TRPM3: variants seen among roughly 807,000 people sequenced by gnomAD.
TRPM3 encodes long transient receptor potential channel 3.
A neutral mutation model predicts 181.2 loss-of-function variants in TRPM3; 77 were observed. The ratio of observed to expected loss-of-function variants is 0.42; its 90% CI spans 0.35 to 0.51. The LOEUF (loss-of-function observed/expected upper bound fraction) is 0.51. Ranked by LOEUF, TRPM3 falls within the 20% of genes least tolerant of loss-of-function variation. The probability of loss-of-function intolerance (pLI) is 0.01; values close to 1 mark genes in which losing one functional copy is unlikely to be tolerated. For missense variants in TRPM3, 1,759 were observed against 2,196.7 expected, an observed-to-expected ratio of 0.80 and a Z score of 3.98; for synonymous variants, 745 against 796.4, an observed-to-expected ratio of 0.94 and a Z score of 1.09.
intron 8 of TRPM3, among the ~76,000 whole-genome samples, chr9:70,739,601 T>G (rs146486319): frequency 6.6e-6 from 1 of 151,918 alleles, no homozygotes; most frequent in South Asian, 2.1e-4. Flanking sequence ...ATTATTTATT[T>G]TTTTTTTTGA....
intron 1 of TRPM3, among the ~76,000 whole-genome samples, chr9:70,869,417 A>C (rs1321363031): frequency 7.5e-6 from 1 of 132,854 alleles, no homozygotes; most frequent in African/African-American, 2.8e-5. Context: ...CTGAGTTCTG[A>C]AAGTTCAACT....
At chr9:71,195,370 G>C (rs918141098) in intron 1 of TRPM3, among the ~76,000 whole-genome samples, 9 of 151,904 alleles carry the variant, frequency 5.9e-5, no homozygotes, top group African/African-American at 1.9e-4. Flanking sequence ...CATACATGCG[G>C]CCAACAAGTA....
chr9:70,572,317 C>T (rs1464598292), intron 22 of TRPM3, among the ~76,000 whole-genome samples: 1 of 152,124 alleles, frequency 6.6e-6, no homozygotes, highest in Non-Finnish European at 1.5e-5. Flanking sequence ...ATATTCTTTA[C>T]CCAGTCTCCG....
intron 8 of TRPM3, among the ~76,000 whole-genome samples, chr9:70,743,698 G>C (rs2074582949): frequency 6.6e-6 from 1 of 151,984 alleles, no homozygotes; most frequent in African/African-American, 2.4e-5. Context: ...TTCTGCCTAG[G>C]GATGCAGAGT....
chr9:71,061,228 G>A (rs2061296074), intron 1 of TRPM3, among the ~76,000 whole-genome samples: 1 of 152,120 alleles, frequency 6.6e-6, no homozygotes, highest in Non-Finnish European at 1.5e-5. Flanking sequence ...TGGCTGAAGA[G>A]GTGGACAGAG....
chr9:70,887,947 T>C (rs1001888244), intron 1 of TRPM3, among the ~76,000 whole-genome samples: 2 of 152,230 alleles, frequency 1.3e-5, no homozygotes, highest in African/African-American at 2.4e-5. Context: ...AATGCCCTAA[T>C]TGGTCAACTG....
chr9:70,590,152 G>A (rs1008748736), intron 22 of TRPM3, among the ~76,000 whole-genome samples: 1 of 152,160 alleles, frequency 6.6e-6, no homozygotes, highest in African/African-American at 2.4e-5. Flanking sequence ...TTGCTCCTGG[G>A]ATTCAACTCC....
chr9:71,255,066 G>A (rs2082589179), intron 1 of TRPM3, among the ~76,000 whole-genome samples: 1 of 152,154 alleles, frequency 6.6e-6, no homozygotes, highest in Non-Finnish European at 1.5e-5. Flanking sequence ...AGCCACAAAG[G>A]GATTTTGCCT....
chr9:71,369,179 A>G (rs2092432520), intron 1 of TRPM3, among the ~76,000 whole-genome samples: 1 of 152,180 alleles, frequency 6.6e-6, no homozygotes, highest in Non-Finnish European at 1.5e-5. Context: ...AAAATAGGTG[A>G]CAAGTTTATA....
intron 25 of TRPM3, among the ~76,000 whole-genome samples, chr9:70,548,799 A>G (rs983565092): frequency 2.6e-5 from 4 of 152,162 alleles, no homozygotes; most frequent in Non-Finnish European, 5.9e-5. Context: ...ATTTTCATAA[A>G]GCTAGACTTA....
At chr9:70,841,623 A>AATATAT (rs2094635323) in intron 5 of TRPM3, among the ~76,000 whole-genome samples, 1 of 54,266 alleles carries the variant, frequency 1.8e-5, no homozygotes, top group South Asian at 8.0e-4. Context: ...TCTATATCCC[A>AATATAT]CTATATATAT....
chr9:71,315,158 G>C (rs2088437833), intron 1 of TRPM3, among the ~76,000 whole-genome samples: 1 of 152,088 alleles, frequency 6.6e-6, no homozygotes. Context: ...CTACTTCACT[G>C]AGTCCTTCTC....
intron 5 of TRPM3, among the ~76,000 whole-genome samples, chr9:70,829,732 A>T (rs2093775215): frequency 6.6e-6 from 1 of 152,134 alleles, no homozygotes; most frequent in Admixed American, 6.5e-5. Context: ...AATTGCATGG[A>T]GCAGTAATCA....
intron 1 of TRPM3, among the ~76,000 whole-genome samples, chr9:71,282,839 G>T (rs1017364909): frequency 6.6e-6 from 1 of 152,112 alleles, no homozygotes; most frequent in Non-Finnish European, 1.5e-5. Context: ...AAGACCTAAG[G>T]TATGTGTGTA....
At chr9:71,091,375 C>G (rs2066184565) in intron 1 of TRPM3, among the ~76,000 whole-genome samples, 1 of 152,022 alleles carries the variant, frequency 6.6e-6, no homozygotes. Flanking sequence ...TAGTCATTAG[C>G]TGGGGAATCC....
intron 22 of TRPM3, among the ~76,000 whole-genome samples, chr9:70,586,819 C>A (rs147541137): frequency 6.6e-6 from 1 of 152,048 alleles, no homozygotes. Flanking sequence ...CATAAGCAGG[C>A]GTATTTTAGA....
chr9:70,645,097 T>G (rs1477916207), intron 9 of TRPM3, among the ~76,000 whole-genome samples: 1 of 152,188 alleles, frequency 6.6e-6, no homozygotes, highest in Non-Finnish European at 1.5e-5. Context: ...TGCTCCTGGA[T>G]AGGAAGAATC....
At chr9:71,020,227 G>C (rs905546940) in intron 1 of TRPM3, among the ~76,000 whole-genome samples, 3 of 152,048 alleles carry the variant, frequency 2.0e-5, no homozygotes, top group Non-Finnish European at 4.4e-5. Context: ...AGCACTTTGG[G>C]AGGCTGAGGT....
chr9:71,379,026 CA>C (rs988056138), intron 1 of TRPM3, among the ~76,000 whole-genome samples: 1 of 151,826 alleles, frequency 6.6e-6, no homozygotes, highest in Admixed American at 6.6e-5. Flanking sequence ...TAATAAAAAC[CA>C]GTATTGTCTC....
Sources: gnomAD v4.1 joint callset for allele counts (sites outside exome capture counted in the v4.1 genomes callset) on GRCh38, gnomAD v4.1.1 for gene constraint, MANE v1.5 for transcripts, NCBI Gene and HGNC (gene_info 2026-07-23, HGNC 2026-07-21) for gene names.